IKZF2: variants seen among roughly 807,000 people sequenced by gnomAD.
IKZF2 encodes IKAROS family zinc finger 2.
In IKZF2, 15 loss-of-function variants were observed where a neutral mutation model predicts 49.2. The ratio of observed to expected loss-of-function variants is 0.30; its 90% confidence interval spans 0.20 to 0.47. The LOEUF (loss-of-function observed/expected upper bound fraction) is 0.47, where lower values mean the gene tolerates loss of function less well. Ranked by LOEUF, IKZF2 falls within the 20% of genes least tolerant of loss-of-function variation. The probability of loss-of-function intolerance (pLI) is 1.00; values close to 1 mark genes in which losing one functional copy is unlikely to be tolerated. For synonymous variants in IKZF2, 227 were observed against 221.4 expected (o/e 1.03, Z -0.23); for missense variants, 567 against 664.6 (o/e 0.85, Z 1.61).
chr2:213,032,080 G>C (rs1414823119), intron 6 of IKZF2, among the ~76,000 whole-genome samples: 1 of 151,928 alleles, frequency 6.6e-6, no homozygotes, highest in Non-Finnish European at 1.5e-5. Context: ...AAGACACAAG[G>C]GAAACAGCAG....
intron 6 of IKZF2, among the ~76,000 whole-genome samples, chr2:213,034,884 C>A (rs1174972982): frequency 6.6e-6 from 1 of 152,096 alleles, no homozygotes; most frequent in African/African-American, 2.4e-5. Context: ...TAAAGTAAGG[C>A]ACAATAAAGG....
At chr2:213,147,059 A>C (rs1246700058) in intron 4 of IKZF2, among the ~76,000 whole-genome samples, 1 of 152,176 alleles carries the variant, frequency 6.6e-6, no homozygotes, top group African/African-American at 2.4e-5. Flanking sequence ...TTATTACATA[A>C]AAACAATGTA....
intron 5 of IKZF2, 123 bp from the exon 6 acceptor site, chr2:213,050,003 T>A (rs1373368247): frequency 3.3e-6 from 2 of 604,390 alleles, no homozygotes; most frequent in East Asian, 6.5e-5. Context: ...CATAAGTCTT[T>A]TAAACATTTA....
intron 7 of IKZF2, chr2:213,015,342 G>A (rs913368628): frequency 1.3e-5 from 2 of 151,900 alleles, no homozygotes; most frequent in African/African-American, 2.4e-5. Context: ...ATGTTAATTT[G>A]GAAAAAAGTT....
At chr2:213,039,489 CAACA>C (rs1699399889) in intron 6 of IKZF2, among the ~76,000 whole-genome samples, 1 of 151,984 alleles carries the variant, frequency 6.6e-6, no homozygotes, top group Non-Finnish European at 1.5e-5. Flanking sequence ...TAGACATAAA[CAACA>C]AACTTCATAA....
chr2:213,141,459 A>G (rs2060868983), intron 4 of IKZF2, among the ~76,000 whole-genome samples: 1 of 151,926 alleles, frequency 6.6e-6, no homozygotes, highest in Admixed American at 6.6e-5. Flanking sequence ...TTAACTCTCC[A>G]AAGTCATTCC....
At chr2:213,096,429 CA>C (rs781127992) in intron 4 of IKZF2, among the ~76,000 whole-genome samples, 1 of 151,182 alleles carries the variant, frequency 6.6e-6, no homozygotes, top group Non-Finnish European at 1.5e-5. Flanking sequence ...TGTTTCTTTT[CA>C]AAAAAATTTG....
At chr2:213,119,103 T>C (rs2059967405) in intron 4 of IKZF2, among the ~76,000 whole-genome samples, 2 of 152,116 alleles carry the variant, frequency 1.3e-5, no homozygotes, top group Non-Finnish European at 2.9e-5. Context: ...TAAAGAAAGA[T>C]TGTGAAGACA....
intron 6 of IKZF2, among the ~76,000 whole-genome samples, chr2:213,027,277 T>C (rs935620144): frequency 6.6e-6 from 1 of 152,180 alleles, no homozygotes. Context: ...ATTAATAGTA[T>C]AGAAATGGAA....
chr2:213,102,480 G>A (rs1436714794), intron 4 of IKZF2, among the ~76,000 whole-genome samples: 2 of 152,070 alleles, frequency 1.3e-5, no homozygotes, highest in Admixed American at 1.3e-4. Context: ...ACCAAGACAA[G>A]TTGGGAGGTT....
rs11325415 is a variant in IKZF2, at chr2:213,136,370, CAAAAAA to C, written c.139+11332_139+11337del. Among the ~76,000 whole-genome samples the C allele has an allele frequency of 9.5e-4, 51 of 53,658 alleles. No individual in the cohort carries two copies. In the South Asian group the frequency reaches 0.02, roughly 21 times the overall value. The allele number at this position is 53,658 out of a possible 152,430, so 35.2% of individuals were successfully genotyped here. ...TGGGTGACAGAGCGGGACACTGTCT[CAAAAAA>C]AAAAAAAAAAAAAAAGAAAAAGAAA... On this transcript the variant is annotated intron_variant, in intron 4 of 8. Coordinates refer to ENST00000434687, the MANE Select transcript of IKZF2 (RefSeq NM_001387220.1).
chr2:213,091,781 G>A (rs1370016511), intron 4 of IKZF2, among the ~76,000 whole-genome samples: 1 of 151,950 alleles, frequency 6.6e-6, no homozygotes, highest in African/African-American at 2.4e-5. Context: ...TCACTCTAGT[G>A]CTAATATATT....
intron 7 of IKZF2, among the ~76,000 whole-genome samples, chr2:213,017,788 T>G (rs1284456561): frequency 6.6e-6 from 1 of 152,214 alleles, no homozygotes; most frequent in Non-Finnish European, 1.5e-5. Context: ...GTCTCCATAA[T>G]GCTTATCACA....
intron 6 of IKZF2, among the ~76,000 whole-genome samples, chr2:213,038,299 T>C (rs925906154): frequency 6.6e-6 from 1 of 152,170 alleles, no homozygotes; most frequent in African/African-American, 2.4e-5. Context: ...GGCCTCGTGA[T>C]CTGCCCGTCT....
At chr2:213,020,922 T>C (rs1405165662) in intron 7 of IKZF2, among the ~76,000 whole-genome samples, 1 of 152,116 alleles carries the variant, frequency 6.6e-6, no homozygotes, top group African/African-American at 2.4e-5. Flanking sequence ...AAATAAAAGA[T>C]ATACAAGTGG....
intron 4 of IKZF2, among the ~76,000 whole-genome samples, chr2:213,087,397 A>G (rs968071053): frequency 2.0e-5 from 3 of 152,188 alleles, no homozygotes; most frequent in Non-Finnish European, 4.4e-5. Flanking sequence ...AGTTCTGAGG[A>G]AAAAAATGCA....
intron 6 of IKZF2, among the ~76,000 whole-genome samples, chr2:213,033,019 C>T (rs965070915): frequency 1.3e-5 from 2 of 152,192 alleles, no homozygotes; most frequent in Non-Finnish European, 2.9e-5. Flanking sequence ...TCTGCTACTG[C>T]TTTGTCAACT....
chr2:213,080,612 C>T (rs1408630274), intron 4 of IKZF2, among the ~76,000 whole-genome samples: 1 of 151,980 alleles, frequency 6.6e-6, no homozygotes, highest in East Asian at 1.9e-4. Flanking sequence ...TAAATGAGAA[C>T]TAAATGTTCA....
At chr2:213,059,321 A>AT (rs1485403233) in intron 4 of IKZF2, among the ~76,000 whole-genome samples, 2 of 151,600 alleles carry the variant, frequency 1.3e-5, no homozygotes, top group African/African-American at 4.8e-5. Context: ...ACTCAAGGGC[A>AT]TTTTTTGGCA....
Sources: gnomAD v4.1 joint callset for allele counts (sites outside exome capture counted in the v4.1 genomes callset) on GRCh38, gnomAD v4.1.1 for gene constraint, MANE v1.5 for transcripts, NCBI Gene and HGNC (gene_info 2026-07-23, HGNC 2026-07-21) for gene names.